The following CSTF2T variants were observed in gnomAD, a reference collection of about 807,000 sequenced individuals.
CSTF2T encodes the protein CF-1 64 kDa subunit tau.
A neutral mutation model predicts 39.9 loss-of-function variants in CSTF2T; 18 were observed. That is an observed-to-expected ratio of 0.45 (90% CI 0.31 to 0.67). CSTF2T has a LOEUF of 0.67. Ranked by LOEUF, CSTF2T falls within the 30% of genes least tolerant of loss-of-function variation. CSTF2T has a pLI of 0.06. For synonymous variants in CSTF2T, 291 were observed against 276.4 expected (o/e 1.05, Z -0.52); for missense variants, 681 against 789.0 (o/e 0.86, Z 1.64).
In CSTF2T at chr10:51,695,633, G is replaced by A. The variant is rs1841269295; in HGVS notation, c.*2066C>T. 1 of 152,138 alleles carries A rather than the reference G, an allele frequency of 6.6e-6. No individual in the cohort carries two copies. Among genetic ancestry groups the A allele is most frequent in the Non-Finnish European group, 1.5e-5 (1 of 68,016 alleles). The allele number at this position is 152,138 out of a possible 1,614,324, so 9.4% of individuals were successfully genotyped here. A position where few individuals can be genotyped will look rare whatever the true frequency, so the allele number is the denominator to read the frequency against. Reference sequence around the variant, plus strand: ...CTCAAAATGATCGAGCCAACTCTGTGAATTAGTATTAAGCATAACTATCAC... The same window carrying A: ...CTCAAAATGATCGAGCCAACTCTGTAAATTAGTATTAAGCATAACTATCAC... On this transcript the variant is annotated 3_prime_UTR_variant, in exon 1 of 1. Coordinates refer to ENST00000331173, the MANE Select transcript of CSTF2T (RefSeq NM_015235.3).
chr10:51,699,351 G>A lies in CSTF2T; in HGVS notation c.199C>T (p.Gln67Ter), dbSNP rs753730423. 1 of 1,614,082 alleles carries A rather than the reference G, an allele frequency of 6.2e-7. No individual in the cohort carries two copies. Among genetic ancestry groups the A allele is most frequent in the Non-Finnish European group, 8.5e-7 (1 of 1,180,018 alleles). The change falls in exon 1 of 1, where the codon CAG (glutamine) becomes TAG (stop). Residue 67 changes from glutamine (Q) to a stop codon, truncating the protein, a stop_gained. Coordinates refer to ENST00000331173, the MANE Select transcript of CSTF2T (RefSeq NM_015235.3). LOFTEE classifies it high-confidence loss of function. ...KGYGFCEYQD[Q>*]ETALSAMRNL... is the part of the protein sequence containing the mutation. ...CGCATGGCACTAAGCGCGGTCTCCT[G>A]GTCTTGGTATTCGCAGAAGCCATAG...
rs142115985 is a variant in CSTF2T, at chr10:51,698,230, G to A, written c.1320C>T (p.Thr440=). Residue 440 remains threonine, a synonymous_variant, in exon 1 of 1, where the codon ACC becomes ACT. Coordinates refer to ENST00000331173, the MANE Select transcript of CSTF2T (RefSeq NM_015235.3). Reference sequence around the variant, plus strand: ...CCATCCCTCTGGTTTCCATCGCACAGGTCTCCATTCCTCTCCTCTCCATTA... The same window carrying A: ...CCATCCCTCTGGTTTCCATCGCACAAGTCTCCATTCCTCTCCTCTCCATTA... The part of the protein sequence containing the change: ...TRVMERRGME[T]CAMETRGMEA... 6.2e-7 allele frequency: 1 copy of A among 1,613,948 alleles called. No homozygotes were observed. Among genetic ancestry groups the A allele is most frequent in the East Asian group, 2.2e-5 (1 of 44,868 alleles).
rs747587915 is a variant in CSTF2T, at chr10:51,697,529, A to T, written c.*170T>A. On this transcript the variant is annotated 3_prime_UTR_variant, in exon 1 of 1. Coordinates refer to ENST00000331173, the MANE Select transcript of CSTF2T (RefSeq NM_015235.3). The stretch of plus-strand genomic sequence containing the variant: ...CTCCCTCCTCCCCCCACCCTCAATT[A>T]AAAAAAAAAGGAAAACAGAAAGAAA... 238 of 270,548 alleles carry T rather than the reference A, an allele frequency of 8.8e-4. No individual in the cohort carries two copies. Among genetic ancestry groups the T allele is most frequent in the Non-Finnish European group, 1.1e-3 (199 of 174,408 alleles). The allele number at this position is 270,548 out of a possible 1,614,324, so 16.8% of individuals were successfully genotyped here. A position where few individuals can be genotyped will look rare whatever the true frequency, so the allele number is the denominator to read the frequency against.
chr10:51,698,570 C>A lies in CSTF2T; in HGVS notation c.980G>T (p.Arg327Leu), dbSNP rs1268392507. 1 of 1,613,918 alleles carries A rather than the reference C, an allele frequency of 6.2e-7. No individual in the cohort carries two copies. The highest frequency in any genetic ancestry group is 1.1e-5 in the South Asian group (1 of 91,078). The stretch of plus-strand genomic sequence containing the variant: ...ATTTGGAGCATCTCCTAACAGTCCT[C>A]GAGGAGGCAGACCACCAGGAGTCAC... Reference protein sequence around the residue: ...GPVTPGGLPPRGLLGDAPNDP... With the variant: ...GPVTPGGLPPLGLLGDAPNDP... Residue 327 changes from arginine to leucine, a missense_variant, in exon 1 of 1, where the codon CGA becomes CTA. Physicochemically the swap from Arg to Leu is moderately radical, Grantham distance 102. Around this residue, in one of 4 missense-constraint regions of CSTF2T, gnomAD observed 329 missense variants for 344.1 expected, o/e 0.96. Transcript: ENST00000331173.
In CSTF2T at chr10:51,697,846, C is replaced by G. The variant is rs1350403653; in HGVS notation, c.1704G>C (p.Gln568His). The G allele has an allele frequency of 1.9e-6, 3 of 1,614,106 alleles. No individual in the cohort carries two copies. Among genetic ancestry groups the G allele is most frequent in the Non-Finnish European group, 2.5e-6 (3 of 1,180,020 alleles). Residue 568 changes from glutamine (Q) to histidine (H), a missense_variant, in exon 1 of 1, where the codon CAG becomes CAC. By Grantham distance (24) the Gln-to-His change is conservative. Around this residue, in one of 4 missense-constraint regions of CSTF2T, gnomAD observed 282 missense variants for 289.2 expected, o/e 0.98. Transcript: ENST00000331173. ...QPSSFSPGQS[Q>H]VTPQDQEKAA... ...CCTTCTCCTGATCCTGTGGAGTGAC[C>G]TGGCTCTGCCCAGGACTAAAACTGC...
Position 51,698,540 on chromosome 10 carries a change from G to A in CSTF2T, c.1010C>T (p.Pro337Leu), listed in dbSNP as rs534609906. The A allele has an allele frequency of 1.9e-6, 3 of 1,614,098 alleles. No individual in the cohort carries two copies. The highest frequency in any genetic ancestry group is 1.7e-5 in the Admixed American group (1 of 60,028). Residue 337 changes from proline (P) to leucine (L), a missense_variant, in exon 1 of 1, where the codon CCA (proline) becomes CTA (leucine). Pro to Leu is a moderately conservative substitution (Grantham distance 98, BLOSUM62 -3). Around this residue, in one of 4 missense-constraint regions of CSTF2T, gnomAD observed 329 missense variants for 344.1 expected, o/e 0.96. Coordinates refer to ENST00000331173, the MANE Select transcript of CSTF2T (RefSeq NM_015235.3). Reference protein sequence around the residue: ...RGLLGDAPNDPRGGTLLSVTG... With the variant: ...RGLLGDAPNDLRGGTLLSVTG... ...GACTGAAAGCAAAGTCCCTCCACGT[G>A]GGTCATTTGGAGCATCTCCTAACAG...
rs777137448 is a variant in CSTF2T, at chr10:51,698,776, G to A, written c.774C>T (p.Ile258=). ...KDIPPLMQTP[I]QGGIPAPGPI... is the part of the protein sequence containing the mutation. ...GCCCTGGAGCTGGAATTCCACCCTG[G>A]ATAGGAGTCTGCATCAGAGGAGGAA... is the stretch of plus-strand genomic sequence containing the variant. Residue 258 remains isoleucine, a synonymous_variant, in exon 1 of 1, where the codon ATC becomes ATT. Transcript: ENST00000331173. 2.5e-6 allele frequency: 4 copies of A among 1,614,186 alleles called. No homozygotes were observed. Among genetic ancestry groups the A allele is most frequent in the Non-Finnish European group, 3.4e-6 (4 of 1,180,038 alleles).
chr10:51,697,616 G>C lies in CSTF2T; in HGVS notation c.*83C>G. ...AGGGAAACCCTAATCCAAGTGTGGG[G>C]ATACAGAAGTCAGCTTTTTGCACCC... On this transcript the variant is annotated 3_prime_UTR_variant, in exon 1 of 1. Transcript: ENST00000331173. 7.6e-7 allele frequency: 1 copy of C among 1,313,156 alleles called. No individual in the cohort carries two copies. The highest frequency in any genetic ancestry group is 1.3e-5 in the South Asian group (1 of 75,652). 81.3% of individuals were successfully genotyped at this position (1,313,156 alleles called of 1,614,324 possible). A position where few individuals can be genotyped will look rare whatever the true frequency, so the allele number is the denominator to read the frequency against.
Position 51,697,915 on chromosome 10 carries a change from T to C in CSTF2T, c.1635A>G (p.Gly545=), listed in dbSNP as rs572267038. 1.1e-5 allele frequency: 17 copies of C among 1,599,330 alleles called. No homozygotes were observed. The South Asian group carries it at 1.9e-4, about 18-fold the overall frequency. Reference sequence around the variant, plus strand: ...GCTTGCTTGCCCCCTGTATACCTCCTCCTTGTATACCTCCTCCTTGTATAC... The same window carrying C: ...GCTTGCTTGCCCCCTGTATACCTCCCCCTTGTATACCTCCTCCTTGTATAC... ...GVSIQGGGIQ[G]GGIQGASKQG... is the part of the protein sequence containing the mutation. Residue 545 remains glycine (G), a synonymous_variant, in exon 1 of 1, where the codon GGA becomes GGG. Coordinates refer to ENST00000331173, the MANE Select transcript of CSTF2T (RefSeq NM_015235.3).
Position 51,698,552 on chromosome 10 carries a change from G to A in CSTF2T, c.998C>T (p.Ala333Val), listed in dbSNP as rs1841370553. 6.2e-7 allele frequency: 1 copy of A among 1,614,054 alleles called. No homozygotes were observed. ...GLPPRGLLGD[A>V]PNDPRGGTLL... is the part of the protein sequence containing the mutation. ...AGTCCCTCCACGTGGGTCATTTGGA[G>A]CATCTCCTAACAGTCCTCGAGGAGG... Residue 333 changes from alanine to valine, a missense_variant, in exon 1 of 1, where the codon GCT becomes GTT. Coordinates refer to ENST00000331173, the MANE Select transcript of CSTF2T (RefSeq NM_015235.3).
At position 51,698,997 on chromosome 10, in the gene CSTF2T, C is replaced by T. The variant is rs1261350912; in HGVS notation, c.553G>A (p.Glu185Lys). 2 of 1,614,132 alleles carry T rather than the reference C, an allele frequency of 1.2e-6. No homozygotes were observed. Among genetic ancestry groups the T allele is most frequent in the African/African-American group, 2.7e-5 (2 of 74,934 alleles). ...CGATGCAGAATTTTCAGAGCAATCT[C>T]TGGATCCATGATTCTCATCACTACT... ...AQVVMRIMDP[E>K]IALKILHRKI... The change falls in exon 1 of 1, where the codon GAG (glutamate) becomes AAG (lysine). Residue 185 changes from glutamate (E) to lysine (K), a missense_variant. This residue lies in a region of CSTF2T where 329 missense variants were observed against 344.1 expected (regional missense o/e 0.96). Coordinates refer to ENST00000331173, the MANE Select transcript of CSTF2T (RefSeq NM_015235.3).
In CSTF2T at chr10:51,697,468, G is replaced by C. The variant is rs1350483326; in HGVS notation, c.*231C>G. Reference sequence around the variant, plus strand: ...ATTTGGCATAATATAATCATGTTCAGAGTTATTTTAAAGTAACTTAAAGTG... The same window carrying C: ...ATTTGGCATAATATAATCATGTTCACAGTTATTTTAAAGTAACTTAAAGTG... On this transcript the variant is annotated 3_prime_UTR_variant, in exon 1 of 1. Coordinates refer to ENST00000331173, the MANE Select transcript of CSTF2T (RefSeq NM_015235.3). 1.8e-6 allele frequency: 1 copy of C among 545,076 alleles called. No individual in the cohort carries two copies. Among genetic ancestry groups the C allele is most frequent in the Non-Finnish European group, 3.2e-6 (1 of 309,500 alleles). 33.8% of individuals were successfully genotyped at this position (545,076 alleles called of 1,614,324 possible). A position where few individuals can be genotyped will look rare whatever the true frequency, so the allele number is the denominator to read the frequency against.
At position 51,699,460 on chromosome 10, in the gene CSTF2T, C is replaced by A. The variant is rs767997063; in HGVS notation, c.90G>T (p.Glu30Asp). ...CCTCCGAGAAAATGTCCTTTAACTG[C>A]TCCTCAGTTGCCTCATATGGAATGT... ...VGNIPYEATE[E>D]QLKDIFSEVG... The change falls in exon 1 of 1, where the codon GAG (glutamate) becomes GAT (aspartate). Residue 30 changes from glutamate to aspartate, a missense_variant. Glu to Asp is a conservative substitution (Grantham distance 45). This residue lies in a region of CSTF2T where 65 missense variants were observed against 134.2 expected (regional missense o/e 0.48). Transcript: ENST00000331173. 3 of 1,613,910 alleles carry A rather than the reference C, an allele frequency of 1.9e-6. No homozygotes were observed. The Admixed American group carries it at 5.0e-5, about 27-fold the overall frequency.
At position 51,697,551 on chromosome 10, in the gene CSTF2T, G is replaced by T. The variant is rs991485630; in HGVS notation, c.*148C>A. On this transcript the variant is annotated 3_prime_UTR_variant, in exon 1 of 1. Transcript: ENST00000331173. ...ATTAAAAAAAAAAGGAAAACAGAAA[G>T]AAAGAAAAAGAACAAAAAATAAGAT... 3.8e-4 allele frequency: 302 copies of T among 800,034 alleles called. 2 individuals carry two copies. The East Asian group carries it at 8.1e-3, about 22-fold the overall frequency. 49.6% of individuals were successfully genotyped at this position (800,034 alleles called of 1,614,324 possible).
At position 51,698,918 on chromosome 10, in the gene CSTF2T, G is replaced by C; in HGVS notation, c.632C>G (p.Ser211Cys). ...IPGKSQSVSV[S>C]GPGPGPGPGL... ...AGGGCCAGGGCCAGGGCCAGGGCCA[G>C]AGACAGACACAGACTGAGATTTGCC... The change falls in exon 1 of 1, where the codon TCT becomes TGT. Residue 211 changes from serine to cysteine, a missense_variant. Ser to Cys is a moderately radical substitution (Grantham distance 112). Coordinates refer to ENST00000331173, the MANE Select transcript of CSTF2T (RefSeq NM_015235.3). 9.9e-6 allele frequency: 16 copies of C among 1,614,226 alleles called. No individual in the cohort carries two copies. Among genetic ancestry groups the C allele is most frequent in the Non-Finnish European group, 1.4e-5 (16 of 1,180,024 alleles).
chr10:51,699,448 G>A lies in CSTF2T; in HGVS notation c.102C>T (p.Asp34=). ...PYEATEEQLK[D]IFSEVGSVVS... is the part of the protein sequence containing the mutation. ...CAACAGAACCAACCTCCGAGAAAAT[G>A]TCCTTTAACTGCTCCTCAGTTGCCT... Residue 34 remains aspartate, a synonymous_variant, in exon 1 of 1, where the codon GAC becomes GAT. Coordinates refer to ENST00000331173, the MANE Select transcript of CSTF2T (RefSeq NM_015235.3). 6.2e-7 allele frequency: 1 copy of A among 1,613,948 alleles called. No individual in the cohort carries two copies. The highest frequency in any genetic ancestry group is 8.5e-7 in the Non-Finnish European group (1 of 1,180,012).
At position 51,697,674 on chromosome 10, in the gene CSTF2T, A is replaced by G; in HGVS notation, c.*25T>C. 1 of 1,609,772 alleles carries G rather than the reference A, an allele frequency of 6.2e-7. No homozygotes were observed. Among genetic ancestry groups the G allele is most frequent in the Non-Finnish European group, 8.5e-7 (1 of 1,177,838 alleles). On this transcript the variant is annotated 3_prime_UTR_variant, in exon 1 of 1. Transcript: ENST00000331173. The stretch of plus-strand genomic sequence containing the variant: ...ATGCTACAGAATAAAATTTGAGACT[A>G]CAGCCAAATATTTTCTAAAACCTTT...
Position 51,697,103 on chromosome 10 carries a change from A to G in CSTF2T, c.*596T>C, listed in dbSNP as rs752820805. On this transcript the variant is annotated 3_prime_UTR_variant, in exon 1 of 1. Coordinates refer to ENST00000331173, the MANE Select transcript of CSTF2T (RefSeq NM_015235.3). ...TGCACTCCTTGATTTTTCAGGTAAC[A>G]TAACTTTAGAAAAAAACAATTCTAA... 1 of 152,254 alleles carries G rather than the reference A, an allele frequency of 6.6e-6. No individual in the cohort carries two copies. The highest frequency in any genetic ancestry group is 3.2e-3 in the Middle Eastern group (1 of 316). 9.4% of individuals were successfully genotyped at this position (152,254 alleles called of 1,614,324 possible).
Position 51,696,064 on chromosome 10 carries a change from TTG to T in CSTF2T, c.*1633_*1634del, listed in dbSNP as rs1255461307. 4 of 152,210 alleles carry T rather than the reference TTG, an allele frequency of 2.6e-5. No homozygotes were observed. The highest frequency in any genetic ancestry group is 6.5e-5 in the Admixed American group (1 of 15,274). The allele number at this position is 152,210 out of a possible 1,614,324, so 9.4% of individuals were successfully genotyped here. ...GCTCCATCTTCCAACCAATTTTTAA[TTG>T]TCTCATTGGTATGTATATTAGGACT... On this transcript the variant is annotated 3_prime_UTR_variant, in exon 1 of 1. Coordinates refer to ENST00000331173, the MANE Select transcript of CSTF2T (RefSeq NM_015235.3).
Sources: gnomAD v4.1 joint callset for allele counts on GRCh38, gnomAD v4.1.1 for gene constraint, gnomAD v4.1.1 regional missense constraint, MANE v1.5 for transcripts, NCBI Gene and HGNC (gene_info 2026-07-23, HGNC 2026-07-21) for gene names.